The following PIK3CG variants were observed in gnomAD, a reference collection of about 807,000 sequenced individuals.
PIK3CG encodes phosphatidylinositol 4,5-bisphosphate 3-kinase catalytic subunit gamma isoform.
A neutral mutation model predicts 102.3 loss-of-function variants in PIK3CG; 55 were observed. The observed-to-expected ratio is 0.54, with a 90% CI of 0.43 to 0.67. The LOEUF (loss-of-function observed/expected upper bound fraction) is 0.67. Ranked by LOEUF, PIK3CG falls within the 30% of genes least tolerant of loss-of-function variation. The pLI is 0.00. For synonymous variants in PIK3CG, 552 were observed against 540.0 expected (o/e 1.02, Z -0.31); for missense variants, 1,258 against 1,391.8 (o/e 0.90, Z 1.53).
intron 10 of PIK3CG, among the ~76,000 whole-genome samples, chr7:106,900,754 G>A (rs1366083611): frequency 6.6e-6 from 1 of 152,160 alleles, no homozygotes; most frequent in African/African-American, 2.4e-5. Flanking sequence ...CAGGTCTGGT[G>A]GGAATGAATT....
At chr7:106,878,763 C>G (rs927398645) in intron 5 of PIK3CG, among the ~76,000 whole-genome samples, 14 of 152,172 alleles carry the variant, frequency 9.2e-5, no homozygotes. Flanking sequence ...TATACAATTA[C>G]CAGCAAACTG....
intron 4 of PIK3CG, among the ~76,000 whole-genome samples, chr7:106,873,481 T>C (rs79521537): frequency 0.088 from 13,318 of 152,202 alleles, 785 homozygotes; most frequent in South Asian, 0.23. Context: ...ATGTACAGAC[T>C]TTTTTTCCTG....
At position 106,868,991 on chromosome 7, in the gene PIK3CG, G is replaced by T. The variant is rs200175951; in HGVS notation, c.1430G>T (p.Arg477Leu). The change falls in exon 2 of 11, where the codon CGT becomes CTT. Residue 477 changes from arginine (R) to leucine (L), a missense_variant. Around this residue, in one of 2 missense-constraint regions of PIK3CG, gnomAD observed 832 missense variants for 787.5 expected, o/e 1.06. Coordinates refer to ENST00000496166, the MANE Select transcript of PIK3CG (RefSeq NM_001282426.2). This position sits in a 1 kb window ranked among gnomAD's most constrained non-coding sequence, Gnocchi z 6.2. Reference protein sequence around the residue: ...LLIDHRFLLRRGEYVLHMWQI... With the variant: ...LLIDHRFLLRLGEYVLHMWQI... ...ATAGACCACCGTTTCCTCCTGCGCC[G>T]TGGAGAATACGTCCTCCACATGTGG... 3 of 1,614,152 alleles carry T rather than the reference G, an allele frequency of 1.9e-6. No individual in the cohort carries two copies. The highest frequency in any genetic ancestry group is 2.5e-6 in the Non-Finnish European group (3 of 1,180,036).
At position 106,869,070 on chromosome 7, in the gene PIK3CG, G is replaced by A. The variant is rs1481922243; in HGVS notation, c.1509G>A (p.Thr503=). Residue 503 remains threonine (T), a synonymous_variant, in exon 2 of 11, where the codon ACG becomes ACA. Transcript: ENST00000496166. This position sits in a 1 kb window ranked among gnomAD's most constrained non-coding sequence, Gnocchi z 5.3. ...DQGSFNADKL[T]SATNPDKENS... ...GAAGCTTCAATGCTGACAAACTCAC[G>A]TCTGCAACTAACCCAGACAAGGAGA... The A allele has an allele frequency of 3.1e-6, 5 of 1,614,062 alleles. No homozygotes were observed. The highest frequency in any genetic ancestry group is 4.2e-6 in the Non-Finnish European group (5 of 1,180,032).
Position 106,883,207 on chromosome 7 carries a change from G to T in PIK3CG, c.2760+44G>T. The T allele has an allele frequency of 6.2e-7, 1 of 1,609,078 alleles. No homozygotes were observed. Among genetic ancestry groups the T allele is most frequent in the Non-Finnish European group, 8.5e-7 (1 of 1,175,784 alleles). ...CCAGTCTAATGGCTCCTTACAAGTT[G>T]TCATTTATATAGCAGTAGTGGCTTC... is the stretch of plus-strand genomic sequence containing the variant. On this transcript the variant is annotated intron_variant, in intron 8 of 10. Coordinates refer to ENST00000496166, the MANE Select transcript of PIK3CG (RefSeq NM_001282426.2). This position sits in a 1 kb window ranked among gnomAD's most constrained non-coding sequence, Gnocchi z 5.8.
chr7:106,898,613 C>T (rs1791465936), intron 10 of PIK3CG, among the ~76,000 whole-genome samples: 1 of 152,180 alleles, frequency 6.6e-6, no homozygotes, highest in Admixed American at 6.5e-5. Context: ...CCAGTTATCC[C>T]AGCACCATTT....
Position 106,868,139 on chromosome 7 carries a change from C to G in PIK3CG, c.578C>G (p.Pro193Arg), listed in dbSNP as rs771251636. 1 of 1,613,128 alleles carries G rather than the reference C, an allele frequency of 6.2e-7. No homozygotes were observed. The part of the protein sequence containing the change: ...PRMAEVASRD[P>R]KLYAMHPWVT... ...ATGGCGGAGGTGGCCAGCCGCGACC[C>G]CAAGCTCTACGCCATGCACCCGTGG... The change falls in exon 2 of 11, where the codon CCC becomes CGC. Residue 193 changes from proline (P) to arginine (R), a missense_variant. By Grantham distance (103) the Pro-to-Arg change is moderately radical (BLOSUM62 -2). Transcript: ENST00000496166. This position sits in a 1 kb window ranked among gnomAD's most constrained non-coding sequence, Gnocchi z 6.2.
chr7:106,886,633 G>A (rs945828209), intron 10 of PIK3CG, among the ~76,000 whole-genome samples: 1 of 152,150 alleles, frequency 6.6e-6, no homozygotes, highest in African/African-American at 2.4e-5. Flanking sequence ...CTAGATATTT[G>A]TCTATTCAAG....
In PIK3CG at chr7:106,899,782, G is replaced by T. The variant is rs1357422674; in HGVS notation, c.3031-5327G>T. Among the ~76,000 whole-genome samples the T allele has an allele frequency of 1.3e-5, 2 of 152,034 alleles. No individual in the cohort carries two copies. Among genetic ancestry groups the T allele is most frequent in the African/African-American group, 4.8e-5 (2 of 41,396 alleles). ...GGTTTGCAAGTATTTGAAGATTTTTGTATTGATGTTCACCAAGGATATTGG... is the reference window on the plus strand; with the variant it reads ...GGTTTGCAAGTATTTGAAGATTTTTTTATTGATGTTCACCAAGGATATTGG... On this transcript the variant is annotated intron_variant, in intron 10 of 10. Transcript: ENST00000496166. The surrounding 1 kb of genome is among the most constrained non-coding windows in gnomAD (Gnocchi z 4.6).
In PIK3CG at chr7:106,883,015, CTG is replaced by C; in HGVS notation, c.2630-15_2630-14del. The C allele has an allele frequency of 6.2e-7, 1 of 1,611,560 alleles. No individual in the cohort carries two copies. On this transcript the variant is annotated splice_polypyrimidine_tract_variant and intron_variant, in intron 7 of 10. Coordinates refer to ENST00000496166, the MANE Select transcript of PIK3CG (RefSeq NM_001282426.2). The surrounding 1 kb of genome is among the most constrained non-coding windows in gnomAD (Gnocchi z 5.8). ...ACTGGCCCCCAATCTCCATCAGACT[CTG>C]TGCATCCTTCTGTAGGAATGATCGA...
Position 106,868,902 on chromosome 7 carries a change from A to G in PIK3CG, c.1341A>G (p.Ala447=). 6.2e-7 allele frequency: 1 copy of G among 1,614,222 alleles called. No individual in the cohort carries two copies. Among genetic ancestry groups the G allele is most frequent in the Non-Finnish European group, 8.5e-7 (1 of 1,180,028 alleles). ...KAPALSSKAS[A]ESPSSESKGK... ...CAGCACTGTCCAGCAAGGCCTCTGC[A>G]GAGTCCCCCAGTTCTGAGTCCAAGG... Residue 447 remains alanine, a synonymous_variant, in exon 2 of 11, where the codon GCA becomes GCG. Coordinates refer to ENST00000496166, the MANE Select transcript of PIK3CG (RefSeq NM_001282426.2). The surrounding 1 kb of genome is among the most constrained non-coding windows in gnomAD (Gnocchi z 6.2).
In PIK3CG at chr7:106,893,856, A is replaced by G. The variant is rs759910933; in HGVS notation, c.3030+7564A>G. ...AAACCTAGGTGGTAGTCTTCCACACACCTAGGCTATATGATATAGCCTATT... is the reference window on the plus strand; with the variant it reads ...AAACCTAGGTGGTAGTCTTCCACACGCCTAGGCTATATGATATAGCCTATT... On this transcript the variant is annotated intron_variant, in intron 10 of 10. Transcript: ENST00000496166. This position sits in a 1 kb window ranked among gnomAD's most constrained non-coding sequence, Gnocchi z 4.4. Among the ~76,000 whole-genome samples the G allele has an allele frequency of 3.3e-5, 5 of 152,176 alleles. No homozygotes were observed. Among genetic ancestry groups the G allele is most frequent in the Non-Finnish European group, 7.4e-5 (5 of 68,026 alleles).
rs1790452037 is a variant in PIK3CG at position 106,869,329 on chromosome 7, C to G, written c.1768C>G (p.Pro590Ala). 4.3e-6 allele frequency: 7 copies of G among 1,614,222 alleles called. No individual in the cohort carries two copies. The highest frequency in any genetic ancestry group is 5.9e-6 in the Non-Finnish European group (7 of 1,180,034). Residue 590 changes from proline to alanine, a missense_variant, in exon 2 of 11, where the codon CCT (proline) becomes GCT (alanine). Transcript: ENST00000496166. The surrounding 1 kb of genome is among the most constrained non-coding windows in gnomAD (Gnocchi z 5.3). ...YESLKHPKAY[P>A]KLFSSVKWGQ... ...AAGCCTTAAGCACCCAAAAGCATAT[C>G]CTAAGCTATTTAGTTCAGTGAAATG...
intron 5 of PIK3CG, among the ~76,000 whole-genome samples, chr7:106,876,196 G>A (rs1211542528): frequency 6.6e-6 from 1 of 151,290 alleles, no homozygotes; most frequent in Non-Finnish European, 1.5e-5. Flanking sequence ...TTACAGGCGT[G>A]AGCCACCGCG....
chr7:106,875,575 A>G (rs1790699517), intron 5 of PIK3CG, among the ~76,000 whole-genome samples: 1 of 152,184 alleles, frequency 6.6e-6, no homozygotes. Flanking sequence ...GACTTTTATT[A>G]AGAGGAATCA....
At position 106,874,244 on chromosome 7, in the gene PIK3CG, A is replaced by G. The variant is rs949050860; in HGVS notation, c.2288-456A>G. ...TCACATCCATCTTCTCTACTTCTCT[A>G]CAGAACCTAACTTCCTCTTCTGAAA... On this transcript the variant is annotated intron_variant, in intron 4 of 10. Coordinates refer to ENST00000496166, the MANE Select transcript of PIK3CG (RefSeq NM_001282426.2). This position sits in a 1 kb window ranked among gnomAD's most constrained non-coding sequence, Gnocchi z 4.3. Among the ~76,000 whole-genome samples the G allele has an allele frequency of 1.3e-5, 2 of 152,194 alleles. No individual in the cohort carries two copies. The highest frequency in any genetic ancestry group is 3.9e-4 in the East Asian group (2 of 5,188).
chr7:106,884,179 G>T lies in PIK3CG; in HGVS notation c.2785G>T (p.Val929Phe). 3 of 1,613,640 alleles carry T rather than the reference G, an allele frequency of 1.9e-6. No homozygotes were observed. The highest frequency in any genetic ancestry group is 2.5e-6 in the Non-Finnish European group (3 of 1,179,728). Residue 929 changes from valine to phenylalanine, a missense_variant, in exon 9 of 11, where the codon GTT becomes TTT. Val to Phe is a conservative substitution (Grantham distance 50). This residue lies in a region of PIK3CG where 426 missense variants were observed against 604.2 expected (regional missense o/e 0.71). Transcript: ENST00000496166. This position sits in a 1 kb window ranked among gnomAD's most constrained non-coding sequence, Gnocchi z 4.2. ...GTTTCAGGCAGCAGTGGAGAGATTT[G>T]TTTATTCCTGTGCAGGCTACTGTGT... ...EKFQAAVERF[V>F]YSCAGYCVAT...
At position 106,883,771 on chromosome 7, in the gene PIK3CG, T is replaced by C. The variant is rs1358516700; in HGVS notation, c.2761-384T>C. ...ATGAGTAGCACTTATTAATCTGTTA[T>C]ACATGGGGATCTGTGAACCCAAGCA... On this transcript the variant is annotated intron_variant, in intron 8 of 10. Transcript: ENST00000496166. The surrounding 1 kb of genome is among the most constrained non-coding windows in gnomAD (Gnocchi z 5.8). Among the ~76,000 whole-genome samples the C allele has an allele frequency of 1.3e-5, 2 of 152,206 alleles. No individual in the cohort carries two copies. Among genetic ancestry groups the C allele is most frequent in the African/African-American group, 4.8e-5 (2 of 41,452 alleles).
At chr7:106,896,992 T>C (rs1053337338) in intron 10 of PIK3CG, among the ~76,000 whole-genome samples, 6 of 152,208 alleles carry the variant, frequency 3.9e-5, no homozygotes, top group South Asian at 4.1e-4. Flanking sequence ...TTTTGTCCTA[T>C]AAATTTATAT....
Sources: allele counts gnomAD v4.1 joint callset (sites outside exome capture counted in the v4.1 genomes callset), GRCh38; gene constraint gnomAD v4.1.1; regional missense constraint gnomAD v4.1.1; non-coding constraint Gnocchi (gnomAD v3.1); transcripts MANE v1.5; gene names NCBI Gene and HGNC (gene_info 2026-07-23, HGNC 2026-07-21).